ABLIM1: variants seen among roughly 807,000 people sequenced by gnomAD.
ABLIM1 encodes actin-binding LIM protein 1.
In ABLIM1, 40 loss-of-function variants were observed where a neutral mutation model predicts 107.0. The observed-to-expected ratio is 0.37, with a 90% CI of 0.29 to 0.49. The LOEUF is 0.49. ABLIM1 is among the 20% of genes least tolerant of loss of function. The probability of loss-of-function intolerance (pLI) is 0.97; values close to 1 mark genes in which losing one functional copy is unlikely to be tolerated. For synonymous variants in ABLIM1, 357 were observed against 357.3 expected (o/e 1.00, Z 0.01); for missense variants, 857 against 1,008.5 (o/e 0.85, Z 2.04).
chr10:114,791,409 C>T, the ABLIM1 span, among the ~76,000 whole-genome samples: 2 of 152,088 alleles, frequency 1.3e-5, no homozygotes, highest in African/African-American at 2.4e-5. Flanking sequence ...GAGGCCAAAG[C>T]CGGCGGATCA....
chr10:114,607,306 C>T (rs2076485355), intron 1 of ABLIM1, among the ~76,000 whole-genome samples: 1 of 152,180 alleles, frequency 6.6e-6, no homozygotes, highest in African/African-American at 2.4e-5. Context: ...GTGATCCACC[C>T]GGCTCTGCCT....
upstream of ABLIM1, among the ~76,000 whole-genome samples, chr10:114,662,083 T>C (rs11196845): frequency 0.16 from 24,720 of 152,148 alleles, 2,030 homozygotes; most frequent in Middle Eastern, 0.2. Flanking sequence ...AATCATCTGC[T>C]AGGATCTACT....
At chr10:114,582,480 C>T (rs971680203) in intron 2 of ABLIM1, among the ~76,000 whole-genome samples, 6 of 152,122 alleles carry the variant, frequency 3.9e-5, no homozygotes, top group African/African-American at 1.2e-4. Flanking sequence ...AAACTACCAA[C>T]ATCATTTTTC....
chr10:114,478,062 T>C (rs1388880620), intron 8 of ABLIM1, among the ~76,000 whole-genome samples: 2 of 152,216 alleles, frequency 1.3e-5, no homozygotes, highest in East Asian at 3.8e-4. Context: ...TCCTGTGAGT[T>C]ATGCAGGCTT....
At chr10:114,548,819 A>C (rs1398764063) in intron 4 of ABLIM1, among the ~76,000 whole-genome samples, 7 of 152,206 alleles carry the variant, frequency 4.6e-5, no homozygotes, top group Non-Finnish European at 2.9e-5. Context: ...GATCAGACAG[A>C]ACACACACAG....
rs780823158 is a variant in ABLIM1, at chr10:114,575,606, A to T, written c.380-7T>A. 1 of 1,612,056 alleles carries T rather than the reference A, an allele frequency of 6.2e-7. No individual in the cohort carries two copies. The highest frequency in any genetic ancestry group is 1.1e-5 in the South Asian group (1 of 90,752). The stretch of plus-strand genomic sequence containing the variant: ...GCCAGGTCACAGCCACACACTGTAG[A>T]GAGACAAGTTCACATCTGGTCATTA... On this transcript the variant is annotated splice_region_variant and splice_polypyrimidine_tract_variant and intron_variant, in intron 2 of 22. Coordinates refer to ENST00000533213, the MANE Select transcript of ABLIM1 (RefSeq NM_002313.7).
intron 2 of ABLIM1, among the ~76,000 whole-genome samples, chr10:114,593,053 T>C (rs2075066940): frequency 6.6e-6 from 1 of 152,204 alleles, no homozygotes; most frequent in Admixed American, 6.5e-5. Context: ...ACTCAATGGT[T>C]CAGGGCCAGG....
chr10:114,537,448 C>G (rs192096967), intron 6 of ABLIM1, among the ~76,000 whole-genome samples: 3 of 152,288 alleles, frequency 2.0e-5, no homozygotes, highest in African/African-American at 4.8e-5. Flanking sequence ...TAGTCTGCTA[C>G]TGAACATTGA....
intron 1 of ABLIM1, among the ~76,000 whole-genome samples, chr10:114,704,991 C>T (rs112146203): frequency 5.9e-5 from 9 of 152,216 alleles, no homozygotes; most frequent in African/African-American, 2.2e-4. Context: ...AAACCCATGG[C>T]TGTGCCTTGA....
At chr10:114,712,347 C>G (rs542300978) in intron 1 of ABLIM1, among the ~76,000 whole-genome samples, 1 of 117,600 alleles carries the variant, frequency 8.5e-6, no homozygotes, top group African/African-American at 3.6e-5. Context: ...AGCGAGACTC[C>G]GTCTCGAAAA....
chr10:114,698,537 G>A (rs1266762652), intron 1 of ABLIM1, among the ~76,000 whole-genome samples: 1 of 151,966 alleles, frequency 6.6e-6, no homozygotes, highest in Non-Finnish European at 1.5e-5. Context: ...AGTCCTGAAG[G>A]AAGACACAAG....
At chr10:114,726,507 C>T (rs1048408679) in intron 1 of ABLIM1, among the ~76,000 whole-genome samples, 1 of 152,098 alleles carries the variant, frequency 6.6e-6, no homozygotes, top group South Asian at 2.1e-4. Context: ...TTTAAACAAC[C>T]AGAGATCACA....
chr10:114,549,612 C>A (rs369839204), intron 4 of ABLIM1, among the ~76,000 whole-genome samples: 9 of 151,946 alleles, frequency 5.9e-5, no homozygotes, highest in African/African-American at 2.2e-4. Flanking sequence ...TATTTTATGT[C>A]TAAGATTTTA....
chr10:114,619,533 T>C lies in ABLIM1; in HGVS notation c.245-17572A>G, dbSNP rs560526194. On this transcript the variant is annotated intron_variant, in intron 1 of 22. Coordinates refer to ENST00000533213, the MANE Select transcript of ABLIM1 (RefSeq NM_002313.7). This position sits in a 1 kb window ranked among gnomAD's most constrained non-coding sequence, Gnocchi z 4.1. Reference sequence around the variant, plus strand: ...TTTTTTCTGGAAAAGCTCTTACACATCAAAAATGAATGCTATCCAGCATGT... The same window carrying C: ...TTTTTTCTGGAAAAGCTCTTACACACCAAAAATGAATGCTATCCAGCATGT... 1.7e-4 allele frequency among the ~76,000 whole-genome samples: 26 copies of C among 152,158 alleles called. No homozygotes were observed. Among genetic ancestry groups the C allele is most frequent in the Non-Finnish European group, 3.5e-4 (24 of 68,000 alleles).
intron 1 of ABLIM1, among the ~76,000 whole-genome samples, chr10:114,761,433 C>T (rs1164259782): frequency 6.6e-6 from 1 of 152,184 alleles, no homozygotes; most frequent in East Asian, 1.9e-4. Flanking sequence ...ACTGCCCAGG[C>T]TCTCGGCTCA....
At chr10:114,659,345 A>G, upstream of ABLIM1, among the ~76,000 whole-genome samples, 1 of 142,436 alleles carries the variant, frequency 7.0e-6, no homozygotes, top group African/African-American at 2.6e-5. Flanking sequence ...GTCTCTACAG[A>G]AAAAAAAAAA....
chr10:114,478,174 T>C (rs1235902014), intron 8 of ABLIM1, among the ~76,000 whole-genome samples: 1 of 152,178 alleles, frequency 6.6e-6, no homozygotes, highest in African/African-American at 2.4e-5. Flanking sequence ...ACCCATTTGG[T>C]TTTTAAAAGT....
chr10:114,572,243 G>T (rs1440726475), intron 3 of ABLIM1, among the ~76,000 whole-genome samples: 1 of 152,178 alleles, frequency 6.6e-6, no homozygotes, highest in Non-Finnish European at 1.5e-5. Context: ...GTGTGATGCT[G>T]CCAATTAGGA....
At chr10:114,562,257 C>T (rs947404363) in intron 4 of ABLIM1, among the ~76,000 whole-genome samples, 4 of 152,114 alleles carry the variant, frequency 2.6e-5, no homozygotes, top group East Asian at 3.9e-4. Flanking sequence ...TGGCCAGGCG[C>T]GGTGGCTCAC....
Sources: gnomAD v4.1 joint callset for allele counts (sites outside exome capture counted in the v4.1 genomes callset) on GRCh38, gnomAD v4.1.1 for gene constraint, Gnocchi (gnomAD v3.1) non-coding constraint, MANE v1.5 for transcripts, NCBI Gene and HGNC (gene_info 2026-07-23, HGNC 2026-07-21) for gene names.